MAGI1: variants seen among roughly 807,000 people sequenced by gnomAD.
MAGI1 encodes the protein membrane-associated guanylate kinase, WW and PDZ domain-containing protein 1.
Under a neutral mutation model 139.9 loss-of-function variants are expected in MAGI1, and 58 were observed. The observed-to-expected ratio is 0.41, with a 90% CI of 0.34 to 0.52. MAGI1 has a LOEUF of 0.52. MAGI1 is among the 20% of genes least tolerant of loss of function. The pLI, the probability that MAGI1 is intolerant of heterozygous loss-of-function variation, is 0.12. For missense variants in MAGI1, 1,874 were observed against 1,901.6 expected, an observed-to-expected ratio of 0.99 and a Z score of 0.27; for synonymous variants, 812 against 737.9, an observed-to-expected ratio of 1.10 and a Z score of -1.63.
At chr3:66,029,205 C>T (rs180898592) in intron 1 of MAGI1, among the ~76,000 whole-genome samples, 92 of 152,244 alleles carry the variant, frequency 6.0e-4, no homozygotes. Flanking sequence ...CAGTAAATTG[C>T]TATTTGTGGA....
At chr3:65,681,524 C>T (rs2087589422) in intron 1 of MAGI1, among the ~76,000 whole-genome samples, 1 of 152,190 alleles carries the variant, frequency 6.6e-6, no homozygotes, top group Non-Finnish European at 1.5e-5. Context: ...ACAGACATTA[C>T]AATTTACACT....
chr3:65,531,463 T>C (rs2078709527), intron 2 of MAGI1, among the ~76,000 whole-genome samples: 2 of 152,322 alleles, frequency 1.3e-5, no homozygotes, highest in African/African-American at 2.4e-5. Context: ...AATTTAAAGT[T>C]ATAATATTTA....
At chr3:66,001,558 G>A (rs1196556842) in intron 1 of MAGI1, among the ~76,000 whole-genome samples, 2 of 151,794 alleles carry the variant, frequency 1.3e-5, no homozygotes, top group Non-Finnish European at 2.9e-5. Context: ...AGGCAGGTCC[G>A]ATAATTATCC....
chr3:65,962,561 G>A (rs1050705118), intron 1 of MAGI1, among the ~76,000 whole-genome samples: 11 of 152,128 alleles, frequency 7.2e-5, no homozygotes, highest in Admixed American at 4.6e-4. Context: ...CTGGCCAGGC[G>A]AGGTGGTTCA....
intron 2 of MAGI1, among the ~76,000 whole-genome samples, chr3:65,512,633 A>G (rs1204831200): frequency 1.3e-5 from 2 of 152,070 alleles, no homozygotes; most frequent in South Asian, 2.1e-4. Context: ...GAATAGACCA[A>G]TAACAGGAGC....
In MAGI1 at chr3:65,728,561, G is replaced by A. The variant is rs77960885; in HGVS notation, c.314-106473C>T. Among the ~76,000 whole-genome samples the A allele has an allele frequency of 1.8e-3, 281 of 152,092 alleles. 1 individual carries two copies. Among genetic ancestry groups the A allele is most frequent in the African/African-American group, 6.1e-3 (253 of 41,472 alleles). On this transcript the variant is annotated intron_variant, in intron 1 of 22. Transcript: ENST00000402939. The stretch of plus-strand genomic sequence containing the variant: ...GGTAAGTTACTTCCTCAAACCCCAG[G>A]GCCTAAAATTCCAAATCCTGGAGAA...
chr3:65,912,850 A>G (rs1207605972), intron 1 of MAGI1, among the ~76,000 whole-genome samples: 2 of 152,254 alleles, frequency 1.3e-5, no homozygotes, highest in African/African-American at 4.8e-5. Context: ...CAAATACACT[A>G]TAAATAGCTA....
intron 1 of MAGI1, among the ~76,000 whole-genome samples, chr3:65,915,648 C>T (rs1359615052): frequency 1.3e-5 from 2 of 152,138 alleles, no homozygotes; most frequent in African/African-American, 4.8e-5. Context: ...TGAATCATCC[C>T]TCTGGGTTAT....
intron 1 of MAGI1, among the ~76,000 whole-genome samples, chr3:65,701,972 T>C (rs1042407070): frequency 6.6e-6 from 1 of 152,188 alleles, no homozygotes; most frequent in African/African-American, 2.4e-5. Context: ...TGCCTGCATA[T>C]ATTCCCCGAC....
At chr3:65,467,364 A>G (rs1285126003) in intron 5 of MAGI1, among the ~76,000 whole-genome samples, 1 of 152,260 alleles carries the variant, frequency 6.6e-6, no homozygotes, top group African/African-American at 2.4e-5. Context: ...TTGCTATTCA[A>G]TGGAAGATAT....
intron 1 of MAGI1, among the ~76,000 whole-genome samples, chr3:65,691,081 T>TCACAAGGTCA (rs751022352): frequency 3.9e-4 from 60 of 151,914 alleles, no homozygotes; most frequent in Non-Finnish European, 6.6e-4. Flanking sequence ...GGCAGGCGGA[T>TCACAAGGTCA]CACAAGGTCA....
chr3:65,535,079 GC>G, intron 2 of MAGI1, among the ~76,000 whole-genome samples: 1 of 152,074 alleles, frequency 6.6e-6, no homozygotes, highest in South Asian at 2.1e-4. Context: ...GTAGAAGTCA[GC>G]CCAGGTCAGC....
At position 65,430,118 on chromosome 3, in the gene MAGI1, A is replaced by G; in HGVS notation, c.1569T>C (p.Asn523=). ...METGDVIVSV[N]DTCVLGHTHA... ...GTGTGTGTCCCAAAACACAGGTGTC[A>G]TTCACACTTACAATCACATCCCCTG... Residue 523 remains asparagine (N), a synonymous_variant, in exon 12 of 23, where the codon AAT becomes AAC. Coordinates refer to ENST00000402939, the MANE Select transcript of MAGI1 (RefSeq NM_001033057.2). The G allele has an allele frequency of 6.2e-7, 1 of 1,613,358 alleles. No homozygotes were observed. The highest frequency in any genetic ancestry group is 8.5e-7 in the Non-Finnish European group (1 of 1,179,466).
At chr3:65,722,536 G>C (rs1192100747) in intron 1 of MAGI1, among the ~76,000 whole-genome samples, 1 of 152,144 alleles carries the variant, frequency 6.6e-6, no homozygotes, top group Non-Finnish European at 1.5e-5. Context: ...AGGAGGCTGA[G>C]ATGGGAGGAT....
intron 1 of MAGI1, among the ~76,000 whole-genome samples, chr3:65,905,189 C>T (rs1484303883): frequency 2.0e-5 from 3 of 152,192 alleles, no homozygotes; most frequent in Non-Finnish European, 4.4e-5. Flanking sequence ...TTGAGAACTA[C>T]TGTTTTAGAG....
chr3:65,473,117 A>C (rs1459286143), intron 4 of MAGI1, among the ~76,000 whole-genome samples: 1 of 152,182 alleles, frequency 6.6e-6, no homozygotes, highest in African/African-American at 2.4e-5. Context: ...TCTAGCACAT[A>C]GTGAGCCATA....
At chr3:65,573,462 A>G (rs2081045863) in intron 2 of MAGI1, among the ~76,000 whole-genome samples, 1 of 152,044 alleles carries the variant, frequency 6.6e-6, no homozygotes, top group Non-Finnish European at 1.5e-5. Flanking sequence ...TCACACTAAT[A>G]AACTACATAA....
At chr3:65,512,437 G>T (rs2077646850) in intron 2 of MAGI1, among the ~76,000 whole-genome samples, 1 of 145,840 alleles carries the variant, frequency 6.9e-6, no homozygotes, top group South Asian at 2.2e-4. Context: ...AAAGAGAGAA[G>T]AATCAAATAG....
At chr3:65,969,291 C>T (rs1218290659) in intron 1 of MAGI1, among the ~76,000 whole-genome samples, 3 of 152,040 alleles carry the variant, frequency 2.0e-5, no homozygotes, top group Non-Finnish European at 4.4e-5. Flanking sequence ...TCACCGGGAG[C>T]GGAGTTATTT....
Sources: gnomAD v4.1 joint callset for allele counts (sites outside exome capture counted in the v4.1 genomes callset) on GRCh38, gnomAD v4.1.1 for gene constraint, MANE v1.5 for transcripts, NCBI Gene and HGNC (gene_info 2026-07-23, HGNC 2026-07-21) for gene names.